NPAS3: variants seen among roughly 807,000 people sequenced by gnomAD.
NPAS3 encodes the protein neuronal PAS domain-containing protein 3.
NPAS3 carries 14 observed loss-of-function variants against 73.1 expected under a neutral mutation model. That is an observed-to-expected ratio of 0.19 (90% CI 0.13 to 0.30). The LOEUF (loss-of-function observed/expected upper bound fraction) is 0.30, where lower values mean the gene tolerates loss of function less well. Ranked by LOEUF, NPAS3 falls within the 10% of genes least tolerant of loss-of-function variation. The pLI, the probability that NPAS3 is intolerant of heterozygous loss-of-function variation, is 1.00. For synonymous variants in NPAS3, 620 were observed against 541.5 expected (o/e 1.14, Z -2.01); for missense variants, 1,096 against 1,250.0 (o/e 0.88, Z 1.86).
intron 6 of NPAS3, among the ~76,000 whole-genome samples, chr14:33,732,941 G>A (rs2061435281): frequency 6.6e-6 from 1 of 152,150 alleles, no homozygotes; most frequent in Non-Finnish European, 1.5e-5. Context: ...GTTTTACTGT[G>A]CAGTTCTCCA....
At chr14:32,953,414 G>T (rs2139160627) in intron 1 of NPAS3, among the ~76,000 whole-genome samples, 1 of 152,220 alleles carries the variant, frequency 6.6e-6, no homozygotes, top group South Asian at 2.1e-4. Context: ...AGGTCACAAA[G>T]ACTTTCAGTA....
At chr14:33,682,655 C>G (rs541305840) in intron 6 of NPAS3, among the ~76,000 whole-genome samples, 1 of 152,300 alleles carries the variant, frequency 6.6e-6, no homozygotes, top group South Asian at 2.1e-4. Context: ...TAAACAAGAT[C>G]CCCTGGAACT....
intron 1 of NPAS3, among the ~76,000 whole-genome samples, chr14:32,948,955 C>A (rs1287006470): frequency 6.6e-6 from 1 of 152,018 alleles, no homozygotes; most frequent in Non-Finnish European, 1.5e-5. Flanking sequence ...TATTGTGTTT[C>A]CCGTTTTAAT....
intron 6 of NPAS3, among the ~76,000 whole-genome samples, chr14:33,691,326 G>T (rs546456176): frequency 6.6e-6 from 1 of 152,130 alleles, no homozygotes; most frequent in Admixed American, 6.5e-5. Flanking sequence ...AAAGATGATC[G>T]TTATTCCAAA....
At chr14:33,104,899 T>C (rs1421768305) in intron 2 of NPAS3, among the ~76,000 whole-genome samples, 1 of 152,208 alleles carries the variant, frequency 6.6e-6, no homozygotes, top group Non-Finnish European at 1.5e-5. Context: ...CAGACATAGT[T>C]CAGTTTATGA....
intron 2 of NPAS3, among the ~76,000 whole-genome samples, chr14:33,172,981 ATTG>A (rs2045454617): frequency 6.6e-6 from 1 of 152,308 alleles, no homozygotes; most frequent in South Asian, 2.1e-4. Flanking sequence ...ATAGGAACAT[ATTG>A]TTCTAATCAA....
intron 2 of NPAS3, among the ~76,000 whole-genome samples, chr14:33,209,744 G>T (rs1332782441): frequency 6.6e-6 from 1 of 152,032 alleles, no homozygotes; most frequent in African/African-American, 2.4e-5. Context: ...ACTTTAAAAA[G>T]GTAAAATTTA....
At chr14:33,666,778 T>C (rs898066500) in intron 5 of NPAS3, among the ~76,000 whole-genome samples, 1 of 152,246 alleles carries the variant, frequency 6.6e-6, no homozygotes, top group African/African-American at 2.4e-5. Flanking sequence ...TGCAATGTGT[T>C]ACAGGGAATA....
intron 1 of NPAS3, among the ~76,000 whole-genome samples, chr14:32,939,655 AAAAGAG>A (rs2139035032): frequency 6.6e-6 from 1 of 150,602 alleles, no homozygotes; most frequent in South Asian, 2.1e-4. Context: ...AAAGAAACAG[AAAAGAG>A]AAAAAGAAAA....
intron 1 of NPAS3, among the ~76,000 whole-genome samples, chr14:33,014,876 T>C (rs2139669028): frequency 6.6e-6 from 1 of 152,308 alleles, no homozygotes; most frequent in South Asian, 2.1e-4. Context: ...GGAGACTCCC[T>C]TGGAGCATGA....
intron 7 of NPAS3, 104 bp downstream of exon 7, chr14:33,735,436 ATCTTGAGGAGCCCATAGGAT>A: frequency 1.3e-6 from 1 of 793,598 alleles, no homozygotes; most frequent in Non-Finnish European, 2.2e-6. Flanking sequence ...AATACATGTG[ATCTTGAGGAGCCCATAGGAT>A]TCCCAGTCAT....
At chr14:33,511,351 C>T (rs529047041) in intron 4 of NPAS3, among the ~76,000 whole-genome samples, 1 of 152,172 alleles carries the variant, frequency 6.6e-6, no homozygotes, top group Admixed American at 6.5e-5. Flanking sequence ...ATACAACTTC[C>T]TATTTTTATT....
At chr14:33,744,790 A>C (rs1364834081) in intron 7 of NPAS3, among the ~76,000 whole-genome samples, 6 of 151,880 alleles carry the variant, frequency 4.0e-5, no homozygotes, top group Non-Finnish European at 5.9e-5. Context: ...ACCCCATCCC[A>C]AAAAAGCAAA....
intron 4 of NPAS3, among the ~76,000 whole-genome samples, chr14:33,486,640 T>A (rs2139770562): frequency 6.6e-6 from 1 of 152,238 alleles, no homozygotes; most frequent in Admixed American, 6.5e-5. Flanking sequence ...GACTAGATAT[T>A]TAAGTTGGCT....
In NPAS3 at chr14:33,790,861, G is replaced by A. The variant is rs10135158; in HGVS notation, c.1154-3036G>A. ...TTTTTGGATTTTTAGTAGAGGCAGC[G>A]TCTCACCATGTTGGCCAGGCTAGTC... On this transcript the variant is annotated intron_variant, in intron 9 of 11. Transcript: ENST00000356141. Among the ~76,000 whole-genome samples, 533 of 152,228 alleles carry A rather than the reference G, an allele frequency of 3.5e-3. 1 individual carries two copies. Among genetic ancestry groups the A allele is most frequent in the African/African-American group, 7.9e-3 (329 of 41,536 alleles).
intron 5 of NPAS3, among the ~76,000 whole-genome samples, chr14:33,579,345 G>A (rs919629980): frequency 2.0e-5 from 3 of 152,178 alleles, no homozygotes; most frequent in African/African-American, 7.2e-5. Flanking sequence ...TTTACAGCTA[G>A]AGAAGCATCA....
intron 4 of NPAS3, among the ~76,000 whole-genome samples, chr14:33,529,884 T>A (rs2053965391): frequency 6.6e-6 from 1 of 152,176 alleles, no homozygotes; most frequent in African/African-American, 2.4e-5. Context: ...AGCGGCAGCA[T>A]GTTCTATTAA....
At chr14:33,774,577 G>C (rs1401733529) in intron 8 of NPAS3, 47 bp downstream of exon 8, 1 of 1,472,670 alleles carries the variant, frequency 6.8e-7, no homozygotes, top group South Asian at 1.2e-5. Flanking sequence ...TTGCACATTG[G>C]TGAGGGTTGT....
chr14:33,233,179 C>G (rs923981458), intron 3 of NPAS3, among the ~76,000 whole-genome samples: 4 of 152,048 alleles, frequency 2.6e-5, no homozygotes, highest in African/African-American at 9.7e-5. Flanking sequence ...TGATATTTCC[C>G]TTAGTTTGAG....
Sources: allele counts gnomAD v4.1 joint callset (sites outside exome capture counted in the v4.1 genomes callset), GRCh38; gene constraint gnomAD v4.1.1; transcripts MANE v1.5; gene names NCBI Gene and HGNC (gene_info 2026-07-23, HGNC 2026-07-21).